The following ADAMTS19 variants were observed in gnomAD, a reference collection of about 807,000 sequenced individuals.
ADAMTS19 encodes A disintegrin and metalloproteinase with thrombospondin motifs 19.
ADAMTS19 carries 93 observed loss-of-function variants against 153.3 expected under a neutral mutation model. That is an observed-to-expected ratio of 0.61 (90% CI 0.51 to 0.72). The LOEUF is 0.72. ADAMTS19 is among the 30% of genes least tolerant of loss of function. ADAMTS19 has a pLI of 0.00. For missense variants in ADAMTS19, 1,482 were observed against 1,552.1 expected (o/e 0.95, Z 0.76); for synonymous variants, 600 against 556.6 (o/e 1.08, Z -1.10).
intron 8 of ADAMTS19, among the ~76,000 whole-genome samples, chr5:129,599,207 A>T (rs533614515): frequency 1.8e-3 from 270 of 152,286 alleles, no homozygotes; most frequent in African/African-American, 6.1e-3. Context: ...TTAATTCCAA[A>T]ACAATTTTGA....
At chr5:129,527,987 A>G (rs552400087) in intron 5 of ADAMTS19, among the ~76,000 whole-genome samples, 156 bp downstream of exon 5, 2 of 152,076 alleles carry the variant, frequency 1.3e-5, no homozygotes, top group African/African-American at 2.4e-5. Flanking sequence ...GTTTTGGTTA[A>G]TGCCCCGATC....
chr5:129,479,535 C>A (rs1295432106), intron 2 of ADAMTS19, among the ~76,000 whole-genome samples: 1 of 152,098 alleles, frequency 6.6e-6, no homozygotes, highest in East Asian at 1.9e-4. Flanking sequence ...AGAAGCAAAG[C>A]TGTTTTTTAT....
chr5:129,699,212 A>G (rs1299099588), intron 19 of ADAMTS19, among the ~76,000 whole-genome samples: 2 of 152,176 alleles, frequency 1.3e-5, no homozygotes, highest in Non-Finnish European at 2.9e-5. Flanking sequence ...ACTTGAGGTC[A>G]GGAGTTCAAG....
chr5:129,668,027 C>T lies in ADAMTS19; in HGVS notation c.2506+2448C>T, dbSNP rs1177493755. ...TAGGCCAGAAGTCCAAAATCAGTTT[C>T]ACTGGGCCAAAAATCAGTGTTTGCA... On this transcript the variant is annotated intron_variant, in intron 16 of 22. Transcript: ENST00000274487. 2.6e-5 allele frequency among the ~76,000 whole-genome samples: 4 copies of T among 152,128 alleles called. No homozygotes were observed. The East Asian group carries it at 7.7e-4, about 29-fold the overall frequency.
intron 17 of ADAMTS19, among the ~76,000 whole-genome samples, chr5:129,680,911 G>A (rs1158115555): frequency 6.6e-6 from 1 of 152,166 alleles, no homozygotes; most frequent in African/African-American, 2.4e-5. Context: ...AATGGCACAT[G>A]AGCCAAATGA....
intron 13 of ADAMTS19, among the ~76,000 whole-genome samples, chr5:129,651,822 TTAAA>T (rs1168636242): frequency 1.3e-5 from 2 of 152,338 alleles, no homozygotes; most frequent in African/African-American, 4.8e-5. Context: ...TGAATATTTG[TTAAA>T]TAAATTTGAA....
chr5:129,637,492 G>A (rs1259172276), intron 10 of ADAMTS19, among the ~76,000 whole-genome samples: 2 of 152,128 alleles, frequency 1.3e-5, no homozygotes, highest in African/African-American at 4.8e-5. Context: ...TTTAGAAGTT[G>A]TGCAGGGACA....
chr5:129,584,619 G>GTCTGGCTC (rs1184795111), intron 7 of ADAMTS19, among the ~76,000 whole-genome samples: 1 of 152,206 alleles, frequency 6.6e-6, no homozygotes, highest in African/African-American at 2.4e-5. Flanking sequence ...TAGAGAGCCA[G>GTCTGGCTC]TCTGGCTACA....
At chr5:129,656,749 A>G (rs1265309999) in intron 14 of ADAMTS19, among the ~76,000 whole-genome samples, 3 of 152,244 alleles carry the variant, frequency 2.0e-5, no homozygotes, top group African/African-American at 7.2e-5. Context: ...ACTGTAGTAT[A>G]TATGTCTATT....
chr5:129,615,895 G>A (rs531500407), intron 8 of ADAMTS19, among the ~76,000 whole-genome samples: 54 of 152,060 alleles, frequency 3.6e-4, no homozygotes, highest in Middle Eastern at 3.4e-3. Context: ...CTCTTTGAAT[G>A]TAGGAACTGA....
chr5:129,490,075 T>C (rs1181416459), intron 2 of ADAMTS19, among the ~76,000 whole-genome samples: 1 of 152,206 alleles, frequency 6.6e-6, no homozygotes, highest in Non-Finnish European at 1.5e-5. Flanking sequence ...ATTTGTACAT[T>C]AATTTTTCAG....
intron 19 of ADAMTS19, among the ~76,000 whole-genome samples, chr5:129,695,748 G>C (rs926762350): frequency 2.6e-5 from 4 of 152,134 alleles, no homozygotes; most frequent in African/African-American, 7.2e-5. Context: ...TGATTCCTCT[G>C]AATATTGGGA....
intron 2 of ADAMTS19, among the ~76,000 whole-genome samples, chr5:129,471,920 G>A (rs539463929): frequency 1.3e-5 from 2 of 152,308 alleles, no homozygotes; most frequent in East Asian, 1.9e-4. Context: ...TCTATAGTGT[G>A]TATGTACCAC....
At chr5:129,720,320 C>T (rs935711810) in intron 21 of ADAMTS19, among the ~76,000 whole-genome samples, 3 of 151,480 alleles carry the variant, frequency 2.0e-5, no homozygotes, top group Admixed American at 2.0e-4. Context: ...TAAAGGTGTC[C>T]GCCACCACGC....
At chr5:129,641,817 G>T (rs1223977618) in intron 10 of ADAMTS19, 42 bp from the exon 11 acceptor site, 1 of 1,326,170 alleles carries the variant, frequency 7.5e-7, no homozygotes, top group Non-Finnish European at 1.1e-6. Flanking sequence ...TTAAAAAAAT[G>T]TGATACCTTC....
intron 1 of ADAMTS19, 74 bp downstream of exon 1, chr5:129,460,556 G>A: frequency 1.3e-6 from 2 of 1,559,264 alleles, no homozygotes; most frequent in Non-Finnish European, 1.8e-6. Flanking sequence ...GGGTCGGCAG[G>A]GCTGGTGCAA....
chr5:129,663,766 G>T (rs1037443735), intron 15 of ADAMTS19, among the ~76,000 whole-genome samples: 1 of 152,074 alleles, frequency 6.6e-6, no homozygotes, highest in Non-Finnish European at 1.5e-5. Flanking sequence ...CAAGGTCCTT[G>T]CTATAGAATG....
intron 15 of ADAMTS19, 140 bp from the exon 16 acceptor site, chr5:129,665,359 A>T: frequency 3.7e-6 from 2 of 537,680 alleles, no homozygotes; most frequent in Non-Finnish European, 6.3e-6. Flanking sequence ...CAGCTTTTAT[A>T]TATAAAAATT....
intron 7 of ADAMTS19, among the ~76,000 whole-genome samples, chr5:129,588,099 A>G (rs1405672000): frequency 2.0e-5 from 3 of 152,048 alleles, no homozygotes; most frequent in Non-Finnish European, 4.4e-5. Context: ...ACTACTCTAC[A>G]CTGTGTACCA....
Sources: allele counts gnomAD v4.1 joint callset (sites outside exome capture counted in the v4.1 genomes callset), GRCh38; gene constraint gnomAD v4.1.1; transcripts MANE v1.5; gene names NCBI Gene and HGNC (gene_info 2026-07-23, HGNC 2026-07-21).